The following PCDHGA6 variants were observed in gnomAD, a reference collection of about 807,000 sequenced individuals.
The protein encoded by PCDHGA6 is protocadherin gamma-A6.
A neutral mutation model predicts 60.6 loss-of-function variants in PCDHGA6; 41 were observed. The observed-to-expected ratio is 0.68, with a 90% CI of 0.53 to 0.88. The LOEUF is 0.88. Among genes scored for constraint, PCDHGA6 ranks in the 40% least tolerant of loss-of-function variants. The pLI, the probability that PCDHGA6 is intolerant of heterozygous loss-of-function variation, is 0.00. For missense variants in PCDHGA6, 1,312 were observed against 1,203.0 expected (o/e 1.09, Z -1.34); for synonymous variants, 594 against 524.4 (o/e 1.13, Z -1.81).
At chr5:141,392,249 T>C (rs1474806816) in intron 1 of PCDHGA6, 1 of 152,206 alleles carries the variant, frequency 6.6e-6, no homozygotes, top group Non-Finnish European at 1.5e-5. Context: ...TTTGTTAGTA[T>C]ATATTGGAGA....
At chr5:141,460,987 A>C (rs201722325) in intron 1 of PCDHGA6, among the ~76,000 whole-genome samples, 1 of 92,990 alleles carries the variant, frequency 1.1e-5, no homozygotes, top group South Asian at 3.4e-4. Context: ...GTGTGTGTAT[A>C]TATATATATG....
At chr5:141,395,205 C>T (rs770683946) in intron 1 of PCDHGA6, 2 of 1,613,660 alleles carry the variant, frequency 1.2e-6, no homozygotes, top group Non-Finnish European at 1.7e-6. Flanking sequence ...CGTAGATTTT[C>T]ATGAATATAA....
rs1771733109 is a variant in PCDHGA6 at position 141,375,666 on chromosome 5, T to C, written c.1583T>C (p.Leu528Pro). 6.2e-7 allele frequency: 1 copy of C among 1,614,122 alleles called. No individual in the cohort carries two copies. Among genetic ancestry groups the C allele is most frequent in the African/African-American group, 1.3e-5 (1 of 74,950 alleles). The part of the protein sequence containing the change: ...RSFDYEQLRD[L>P]QLWVTASDSG... ...TTCGACTATGAGCAGTTGAGAGACC[T>C]ACAGCTGTGGGTGACAGCCAGCGAC... is the stretch of plus-strand genomic sequence containing the variant. The change falls in exon 1 of 4, where the codon CTA becomes CCA. Residue 528 changes from leucine to proline, a missense_variant. Transcript: ENST00000517434.
intron 1 of PCDHGA6, among the ~76,000 whole-genome samples, chr5:141,457,440 A>C (rs188608086): frequency 1.3e-5 from 2 of 152,334 alleles, no homozygotes; most frequent in African/African-American, 4.8e-5. Flanking sequence ...ACCAAGCTGC[A>C]GAAGATCACC....
chr5:141,505,190 G>A (rs1326515866), intron 2 of PCDHGA6, among the ~76,000 whole-genome samples: 1 of 152,186 alleles, frequency 6.6e-6, no homozygotes, highest in East Asian at 1.9e-4. Flanking sequence ...ATCGGAGGCA[G>A]CAAAGAGCTG....
At chr5:141,452,354 G>C (rs2154563893) in intron 1 of PCDHGA6, among the ~76,000 whole-genome samples, 1 of 152,240 alleles carries the variant, frequency 6.6e-6, no homozygotes, top group Non-Finnish European at 1.5e-5. Flanking sequence ...TTATCCAAAA[G>C]CCTTGCTTCA....
intron 1 of PCDHGA6, among the ~76,000 whole-genome samples, chr5:141,448,196 A>G (rs753761675): frequency 1.3e-5 from 2 of 152,176 alleles, no homozygotes; most frequent in Non-Finnish European, 2.9e-5. Context: ...TACACTTACA[A>G]ACATTTTCTG....
rs756146067 is a variant in PCDHGA6, at chr5:141,477,534, G to C, written c.2425-17273G>C. On this transcript the variant is annotated intron_variant, in intron 1 of 3. Transcript: ENST00000517434. This position sits in a 1 kb window ranked among gnomAD's most constrained non-coding sequence, Gnocchi z 4.9. ...TACATTGAAGAAAACAACCTCCCCG[G>C]GGCTCCAATACTAAACCTAAGTGTC... 1.9e-6 allele frequency: 3 copies of C among 1,614,008 alleles called. No homozygotes were observed. Among genetic ancestry groups the C allele is most frequent in the East Asian group, 4.5e-5 (2 of 44,870 alleles).
rs747159210 is a variant in PCDHGA6, at chr5:141,511,184, A to C, written c.*11A>C. 1.2e-5 allele frequency: 19 copies of C among 1,613,876 alleles called. No homozygotes were observed. In the Admixed American group the frequency reaches 3.2e-4, roughly 27 times the overall value. ...AAGGAGAAGAAGTAACATGGAGGCC[A>C]GGCCAAGAGCCACAGGGCGGCCTCT... is the stretch of plus-strand genomic sequence containing the variant. On this transcript the variant is annotated 3_prime_UTR_variant, in exon 4 of 4. Transcript: ENST00000517434.
In PCDHGA6 at chr5:141,374,991, C is replaced by A; in HGVS notation, c.908C>A (p.Thr303Asn). 1 of 1,614,036 alleles carries A rather than the reference C, an allele frequency of 6.2e-7. No individual in the cohort carries two copies. The highest frequency in any genetic ancestry group is 8.5e-7 in the Non-Finnish European group (1 of 1,179,894). Residue 303 changes from threonine to asparagine, a missense_variant, in exon 1 of 4, where the codon ACT (threonine) becomes AAT (asparagine). Physicochemically the swap from Thr to Asn is moderately conservative, Grantham distance 65. Coordinates refer to ENST00000517434, the MANE Select transcript of PCDHGA6 (RefSeq NM_018919.3). ...CLNVLTGEIS[T>N]SANLDYEDSS... ...AATGTTTTGACTGGAGAAATTTCAA[C>A]TTCTGCAAATCTAGACTATGAGGAC...
intron 1 of PCDHGA6, chr5:141,414,814 A>C (rs1368279926): frequency 6.2e-7 from 1 of 1,614,100 alleles, no homozygotes; most frequent in African/African-American, 1.3e-5. Flanking sequence ...TCCTCCACTC[A>C]GCAGCAACGT....
chr5:141,376,067 G>A lies in PCDHGA6; in HGVS notation c.1984G>A (p.Val662Met), dbSNP rs766311632. 4 of 1,613,402 alleles carry A rather than the reference G, an allele frequency of 2.5e-6. No homozygotes were observed. Among genetic ancestry groups the A allele is most frequent in the Non-Finnish European group, 3.4e-6 (4 of 1,179,882 alleles). Reference protein sequence around the residue: ...PPLSATVTLTVAVADRIPDIL... With the variant: ...PPLSATVTLTMAVADRIPDIL... Reference sequence around the variant, plus strand: ...TCTCTCCGCCACTGTCACGCTCACCGTGGCCGTGGCCGACAGGATCCCCGA... The same window carrying A: ...TCTCTCCGCCACTGTCACGCTCACCATGGCCGTGGCCGACAGGATCCCCGA... Residue 662 changes from valine to methionine, a missense_variant, in exon 1 of 4, where the codon GTG (valine) becomes ATG (methionine). Physicochemically the swap from Val to Met is conservative, Grantham distance 21 (BLOSUM62 1). Transcript: ENST00000517434.
intron 1 of PCDHGA6, among the ~76,000 whole-genome samples, chr5:141,438,587 CAT>C (rs1372372472): frequency 3.8e-4 from 28 of 73,432 alleles, no homozygotes; most frequent in African/African-American, 1.4e-3. Flanking sequence ...TACATACATA[CAT>C]ACATATATAT....
In PCDHGA6 at chr5:141,431,377, T is replaced by A; in HGVS notation, c.2424+54870T>A. 1 of 1,613,426 alleles carries A rather than the reference T, an allele frequency of 6.2e-7. No individual in the cohort carries two copies. Among genetic ancestry groups the A allele is most frequent in the Non-Finnish European group, 8.5e-7 (1 of 1,179,558 alleles). ...GCGCCCTGGACCGCGAAGAAAAGGC[T>A]GCTCACCACCTGGTCCTTACGGCCT... is the stretch of plus-strand genomic sequence containing the variant. On this transcript the variant is annotated intron_variant, in intron 1 of 3. Coordinates refer to ENST00000517434, the MANE Select transcript of PCDHGA6 (RefSeq NM_018919.3). This position sits in a 1 kb window ranked among gnomAD's most constrained non-coding sequence, Gnocchi z 4.8.
At chr5:141,389,664 G>T (rs1182835621) in intron 1 of PCDHGA6, 1 of 1,612,328 alleles carries the variant, frequency 6.2e-7, no homozygotes, top group African/African-American at 1.3e-5. Context: ...GGCGGTGGAC[G>T]CAGACTCAGG....
chr5:141,433,209 T>A, intron 1 of PCDHGA6: 3 of 465,024 alleles, frequency 6.5e-6, no homozygotes, highest in South Asian at 1.0e-4. Context: ...ATCTTCTTTC[T>A]TTTTTTTTTT....
chr5:141,436,840 C>T (rs1195342311), intron 1 of PCDHGA6, among the ~76,000 whole-genome samples: 1 of 152,220 alleles, frequency 6.6e-6, no homozygotes, highest in Admixed American at 6.5e-5. Flanking sequence ...TGCCTAGGCA[C>T]ATTCTTGATT....
intron 1 of PCDHGA6, among the ~76,000 whole-genome samples, chr5:141,386,696 G>A (rs2090675281): frequency 6.6e-6 from 1 of 152,096 alleles, no homozygotes; most frequent in African/African-American, 2.4e-5. Context: ...ACTTGGGGTA[G>A]AAGACAATGT....
Position 141,477,968 on chromosome 5 carries a change from C to T in PCDHGA6, c.2425-16839C>T. 6.2e-7 allele frequency: 1 copy of T among 1,614,140 alleles called. No individual in the cohort carries two copies. Among genetic ancestry groups the T allele is most frequent in the Non-Finnish European group, 8.5e-7 (1 of 1,180,042 alleles). The stretch of plus-strand genomic sequence containing the variant: ...TCTCTTGGGATCCCCTAACCAGAGC[C>T]TTTTTGCCATAGGGCTGCACACTGG... On this transcript the variant is annotated intron_variant, in intron 1 of 3. Transcript: ENST00000517434. The surrounding 1 kb of genome is among the most constrained non-coding windows in gnomAD (Gnocchi z 4.9).
Sources: gnomAD v4.1 joint callset for allele counts (sites outside exome capture counted in the v4.1 genomes callset) on GRCh38, gnomAD v4.1.1 for gene constraint, Gnocchi (gnomAD v3.1) non-coding constraint, MANE v1.5 for transcripts, NCBI Gene and HGNC (gene_info 2026-07-23, HGNC 2026-07-21) for gene names.